Variants in SDHA observed in about 807,000 individuals in gnomAD.
SDHA encodes succinate dehydrogenase complex flavoprotein subunit A, also known as succinate dehydrogenase [ubiquinone] flavoprotein subunit, mitochondrial.
In SDHA, 48 loss-of-function variants were observed where a neutral mutation model predicts 78.4. That is an observed-to-expected ratio of 0.61 (90% CI 0.49 to 0.78). SDHA has a LOEUF of 0.78. Among genes scored for constraint, SDHA ranks in the 30% least tolerant of loss-of-function variants. SDHA has a pLI of 0.00. For synonymous variants in SDHA, 326 were observed against 353.9 expected (o/e 0.92, Z 0.88); for missense variants, 680 against 892.7 (o/e 0.76, Z 3.04).
the SDHA span, among the ~76,000 whole-genome samples, chr5:264,094 A>G: frequency 2.0e-5 from 3 of 152,226 alleles, no homozygotes; most frequent in African/African-American, 7.2e-5. Flanking sequence ...ATGCAAATAT[A>G]TATTTGCTTT....
At chr5:258,570 C>T (rs370118411), downstream of SDHA, among the ~76,000 whole-genome samples, 18 of 129,954 alleles carry the variant, frequency 1.4e-4, no homozygotes, top group East Asian at 3.1e-3. Context: ...CCGTGAGCTC[C>T]GCCCCCCGCC....
At chr5:248,651 A>C (rs957830792) in intron 11 of SDHA, among the ~76,000 whole-genome samples, 1 of 152,182 alleles carries the variant, frequency 6.6e-6, no homozygotes, top group Non-Finnish European at 1.5e-5. Context: ...ACAGGATTGG[A>C]CCCAGTCAGA....
chr5:227,538 T>C (rs1206873620), intron 5 of SDHA: 1 of 160,542 alleles, frequency 6.2e-6, no homozygotes, highest in African/African-American at 2.4e-5. Flanking sequence ...CATCGACAAG[T>C]GTGTGGTGGG....
intron 14 of SDHA, among the ~76,000 whole-genome samples, chr5:254,973 CT>C (rs1737088615): frequency 6.6e-6 from 1 of 151,948 alleles, no homozygotes; most frequent in African/African-American, 2.4e-5. Flanking sequence ...GTGGTGCAGC[CT>C]TTAGCATCCC....
At chr5:267,779 C>G in the SDHA span, among the ~76,000 whole-genome samples, 1 of 152,140 alleles carries the variant, frequency 6.6e-6, no homozygotes, top group South Asian at 2.1e-4. Context: ...ACAGACCTGG[C>G]TAGGAGGAAA....
intron 11 of SDHA, among the ~76,000 whole-genome samples, chr5:242,773 G>A (rs192979759): frequency 1.8e-3 from 272 of 152,260 alleles, no homozygotes; most frequent in Non-Finnish European, 3.2e-3. Context: ...TGAGTAAGAC[G>A]GGTAGCTCAG....
At position 221,346 on chromosome 5, in the gene SDHA, GA is replaced by G. The variant is rs558683077; in HGVS notation, c.64-2135del. Among the ~76,000 whole-genome samples, 20 of 152,296 alleles carry G rather than the reference GA, an allele frequency of 1.3e-4. No homozygotes were observed. The East Asian group carries it at 3.9e-3, about 29-fold the overall frequency. On this transcript the variant is annotated intron_variant, in intron 1 of 14. Coordinates refer to ENST00000264932, the MANE Select transcript of SDHA (RefSeq NM_004168.4). ...TTTTAGACTTCTTGCCTAGAGAGGG[GA>G]TTTAGTTCACTTAAACTACCCTGCT... is the stretch of plus-strand genomic sequence containing the variant.
At position 254,444 on chromosome 5, in the gene SDHA, A is replaced by C. The variant is rs1453752069; in HGVS notation, c.1846A>C (p.Lys616Gln). The C allele has an allele frequency of 1.2e-6, 2 of 1,600,178 alleles. No homozygotes were observed. The highest frequency in any genetic ancestry group is 1.3e-5 in the African/African-American group (1 of 74,576). The change falls in exon 14 of 15, where the codon AAG becomes CAG. Residue 616 changes from lysine to glutamine, a missense_variant. Transcript: ENST00000264932. ...YSKPIQGQQKKPFEEHWRKHT... is the reference protein window; with the variant it reads ...YSKPIQGQQKQPFEEHWRKHT... ...CAAGCCCATCCAGGGGCAACAGAAG[A>C]AGCCCTTTGAGGAGCACTGGAGGAA...
intron 14 of SDHA, among the ~76,000 whole-genome samples, chr5:255,783 T>C (rs1737147142): frequency 6.6e-6 from 1 of 152,210 alleles, no homozygotes; most frequent in African/African-American, 2.4e-5. Flanking sequence ...TACAAAGAGA[T>C]TGAAATAAGA....
At chr5:221,087 A>G (rs1734689215) in intron 1 of SDHA, among the ~76,000 whole-genome samples, 1 of 152,160 alleles carries the variant, frequency 6.6e-6, no homozygotes, top group South Asian at 2.1e-4. Context: ...GGCTGGGATT[A>G]CAGGTGTGAG....
chr5:235,127 G>A lies in SDHA; in HGVS notation c.1065-17G>A, dbSNP rs1268945057. The A allele has an allele frequency of 6.2e-7, 1 of 1,612,862 alleles. No individual in the cohort carries two copies. The highest frequency in any genetic ancestry group is 1.3e-5 in the African/African-American group (1 of 74,900). On this transcript the variant is annotated splice_polypyrimidine_tract_variant and intron_variant, in intron 8 of 14. Coordinates refer to ENST00000264932, the MANE Select transcript of SDHA (RefSeq NM_004168.4). ...TTGCCGTTCTCTGCCGTATGTGATG[G>A]TGTTCTGTCTTACCAGAGGCTGTGG...
chr5:229,547 C>T (rs530149203), intron 6 of SDHA, among the ~76,000 whole-genome samples: 32 of 152,336 alleles, frequency 2.1e-4, no homozygotes, highest in African/African-American at 7.0e-4. Flanking sequence ...CTAAAACAGT[C>T]ACAACTCACA....
chr5:252,127 A>C (rs1418062186), intron 13 of SDHA, among the ~76,000 whole-genome samples: 1 of 151,268 alleles, frequency 6.6e-6, no homozygotes, highest in Non-Finnish European at 1.5e-5. Context: ...CAGTTTATTA[A>C]CGAGTAAGTC....
At chr5:225,386 T>C in intron 3 of SDHA, 33 bp from the exon 4 acceptor site, 2 of 1,611,956 alleles carry the variant, frequency 1.2e-6, no homozygotes, top group Non-Finnish European at 1.7e-6. Context: ...GCGCTCCTGT[T>C]TGTGGCTTGT....
chr5:236,040 T>C (rs1735755530), intron 9 of SDHA: 1 of 295,368 alleles, frequency 3.4e-6, no homozygotes, highest in Non-Finnish European at 6.7e-6. Flanking sequence ...TTTTTTTTTC[T>C]TGGAGATGCA....
At chr5:266,581 T>A in the SDHA span, among the ~76,000 whole-genome samples, 1 of 152,174 alleles carries the variant, frequency 6.6e-6, no homozygotes. Flanking sequence ...TTTCAAGGTT[T>A]TAAAGTGAAC....
Position 225,960 on chromosome 5 carries a change from C to T in SDHA, c.534C>T (p.Leu178=), listed in dbSNP as rs749329370. ...IYQRAFGGQS[L]KFGKGGQAHR... The stretch of plus-strand genomic sequence containing the variant: ...AGCGTGCATTTGGTGGACAGAGCCT[C>T]AAGTTTGGAAAGGGCGGGCAGGCCC... Residue 178 remains leucine, a synonymous_variant, in exon 5 of 15, where the codon CTC becomes CTT. Coordinates refer to ENST00000264932, the MANE Select transcript of SDHA (RefSeq NM_004168.4). 3.7e-6 allele frequency: 6 copies of T among 1,613,962 alleles called. No homozygotes were observed. The highest frequency in any genetic ancestry group is 1.1e-5 in the South Asian group (1 of 91,076).
downstream of SDHA, among the ~76,000 whole-genome samples, chr5:257,372 C>T (rs1251574097): frequency 2.7e-5 from 4 of 150,640 alleles, no homozygotes; most frequent in East Asian, 8.0e-4. Context: ...CCTGTCAGAG[C>T]ATTACTGTGT....
Position 251,012 on chromosome 5 carries a change from C to T in SDHA, c.1572C>T (p.Ala524=), listed in dbSNP as rs185679709. 1.4e-5 allele frequency: 22 copies of T among 1,611,912 alleles called. No homozygotes were observed. The highest frequency in any genetic ancestry group is 1.3e-4 in the African/African-American group (10 of 74,938). The change falls in exon 12 of 15, where the codon GCC becomes GCT. Residue 524 remains alanine, a synonymous_variant. Transcript: ENST00000264932. ...SMQKSMQNHA[A]VFRVGSVLQE... ...CACAGTCAATGCAAAATCATGCTGC[C>T]GTGTTCCGTGTGGGAAGCGTGTTGC...
Sources: allele counts gnomAD v4.1 joint callset (sites outside exome capture counted in the v4.1 genomes callset), GRCh38; gene constraint gnomAD v4.1.1; transcripts MANE v1.5; gene names NCBI Gene and HGNC (gene_info 2026-07-23, HGNC 2026-07-21).